PDE1C: variants seen among roughly 807,000 people sequenced by gnomAD.
PDE1C encodes the protein dual specificity calcium/calmodulin-dependent 3',5'-cyclic nucleotide phosphodiesterase 1C.
In PDE1C, 62 loss-of-function variants were observed where a neutral mutation model predicts 93.1. That is an observed-to-expected ratio of 0.67 (90% CI 0.54 to 0.82). The LOEUF is 0.82. Among genes scored for constraint, PDE1C ranks in the 40% least tolerant of loss-of-function variants. The pLI, the probability that PDE1C is intolerant of heterozygous loss-of-function variation, is 0.00. For synonymous variants in PDE1C, 325 were observed against 310.1 expected (o/e 1.05, Z -0.50); for missense variants, 742 against 884.6 (o/e 0.84, Z 2.04).
intron 3 of PDE1C, among the ~76,000 whole-genome samples, chr7:32,128,954 A>ATATATATATATATAT (rs58719690): frequency 2.5e-5 from 2 of 79,046 alleles, no homozygotes; most frequent in African/African-American, 1.3e-4. Context: ...TATATATATA[A>ATATATATATATATAT]AGAAAAATCT....
At chr7:31,703,881 G>T in the PDE1C span, among the ~76,000 whole-genome samples, 1 of 152,154 alleles carries the variant, frequency 6.6e-6, no homozygotes, top group Non-Finnish European at 1.5e-5. Flanking sequence ...CCTTCAAAGG[G>T]GTCATCTCAA....
chr7:31,974,414 T>G (rs554148203), intron 2 of PDE1C, among the ~76,000 whole-genome samples: 1 of 152,348 alleles, frequency 6.6e-6, no homozygotes, highest in South Asian at 2.1e-4. Context: ...AGGTCAATAT[T>G]ATCTTTTTGT....
chr7:32,356,772 T>C (rs1464240437), intron 1 of PDE1C, among the ~76,000 whole-genome samples: 1 of 152,224 alleles, frequency 6.6e-6, no homozygotes, highest in Non-Finnish European at 1.5e-5. Flanking sequence ...TTATATTGAA[T>C]CAGTCGCATG....
At chr7:32,367,042 A>G (rs1052193098) in intron 1 of PDE1C, among the ~76,000 whole-genome samples, 3 of 152,088 alleles carry the variant, frequency 2.0e-5, no homozygotes, top group African/African-American at 7.2e-5. Flanking sequence ...AAAAGAAAAG[A>G]AAAAGAGAAG....
intron 1 of PDE1C, among the ~76,000 whole-genome samples, chr7:32,311,734 A>C (rs1183067180): frequency 2.0e-5 from 3 of 152,244 alleles, no homozygotes; most frequent in Non-Finnish European, 2.9e-5. Context: ...TCAATAAATT[A>C]GGTATTGATG....
intron 1 of PDE1C, among the ~76,000 whole-genome samples, chr7:32,313,467 A>G (rs1465788552): frequency 1.2e-4 from 18 of 152,070 alleles, no homozygotes; most frequent in African/African-American, 4.1e-4. Flanking sequence ...TGTTTATTGC[A>G]GCACTATTCA....
At chr7:31,852,914 T>C (rs1243857546) in intron 7 of PDE1C, among the ~76,000 whole-genome samples, 2 of 150,274 alleles carry the variant, frequency 1.3e-5, no homozygotes, top group Non-Finnish European at 3.0e-5. Flanking sequence ...TCCCCACCCA[T>C]CTGTCCCTGG....
intron 2 of PDE1C, among the ~76,000 whole-genome samples, chr7:32,205,688 C>T (rs527526557): frequency 6.6e-5 from 10 of 152,180 alleles, no homozygotes; most frequent in Non-Finnish European, 1.3e-4. Flanking sequence ...CTGCTGCTGG[C>T]TTTTTAGGTC....
chr7:32,213,199 A>C lies in PDE1C; in HGVS notation c.86-3660T>G, dbSNP rs1806178376. ...GGTCTCACTATGCTTTCAATTTTTA[A>C]ACAATTGTCAGCCCACATTTAAAAA... On this transcript the variant is annotated intron_variant, in intron 1 of 18. Coordinates refer to the PDE1C transcript ENST00000396193. Among the ~76,000 whole-genome samples, 3 of 152,098 alleles carry C rather than the reference A, an allele frequency of 2.0e-5. No homozygotes were observed. The South Asian group carries it at 6.3e-4, about 32-fold the overall frequency.
chr7:32,362,657 C>A (rs747171958), intron 1 of PDE1C, among the ~76,000 whole-genome samples: 1 of 152,146 alleles, frequency 6.6e-6, no homozygotes, highest in Non-Finnish European at 1.5e-5. Flanking sequence ...TAATCACCTG[C>A]CTGGGCCCTA....
intron 2 of PDE1C, among the ~76,000 whole-genome samples, chr7:32,201,990 G>A (rs193092548): frequency 2.0e-5 from 3 of 152,176 alleles, no homozygotes; most frequent in African/African-American, 7.2e-5. Flanking sequence ...GAAAGCAATC[G>A]ACAGAGGTAG....
At chr7:31,847,172 C>T (rs1444105995) in intron 9 of PDE1C, among the ~76,000 whole-genome samples, 1 of 152,018 alleles carries the variant, frequency 6.6e-6, no homozygotes, top group Non-Finnish European at 1.5e-5. Flanking sequence ...GTGTGCTAAG[C>T]ATTTTAAAAT....
chr7:31,936,529 G>A (rs1018387356), intron 2 of PDE1C, among the ~76,000 whole-genome samples: 7 of 151,946 alleles, frequency 4.6e-5, no homozygotes, highest in Admixed American at 3.9e-4. Flanking sequence ...CGAGCAGGAC[G>A]TGCCAATAGC....
chr7:31,979,835 T>C (rs1235919548), intron 2 of PDE1C, among the ~76,000 whole-genome samples: 1 of 152,226 alleles, frequency 6.6e-6, no homozygotes, highest in East Asian at 1.9e-4. Flanking sequence ...GTTATTTTGA[T>C]ACAAGTCAAC....
intron 1 of PDE1C, among the ~76,000 whole-genome samples, chr7:32,370,991 T>C (rs1784322374): frequency 6.6e-6 from 1 of 151,404 alleles, no homozygotes; most frequent in Non-Finnish European, 1.5e-5. Context: ...CTCACTCATA[T>C]ATGGAAGTCA....
intron 1 of PDE1C, among the ~76,000 whole-genome samples, chr7:32,324,668 G>C (rs1376281): frequency 6.6e-6 from 1 of 152,148 alleles, no homozygotes; most frequent in Non-Finnish European, 1.5e-5. Flanking sequence ...CTGATGCAAG[G>C]TTGGGCGCGG....
chr7:32,172,793 G>T (rs1439100546), intron 2 of PDE1C, among the ~76,000 whole-genome samples: 1 of 140,488 alleles, frequency 7.1e-6, no homozygotes. Flanking sequence ...TTGCACTCCA[G>T]CCTGGGCAAC....
At chr7:32,312,191 C>A (rs1187600268) in intron 1 of PDE1C, among the ~76,000 whole-genome samples, 2 of 152,172 alleles carry the variant, frequency 1.3e-5, no homozygotes, top group Non-Finnish European at 2.9e-5. Context: ...AGCAATCCAA[C>A]TTACAAGGGA....
At chr7:32,299,360 C>A, upstream of PDE1C, 1 of 985,820 alleles carries the variant, frequency 1.0e-6, no homozygotes, top group Non-Finnish European at 1.2e-6. Context: ...TTCCTTCTAG[C>A]CACTGCCCCC....
Sources: allele counts gnomAD v4.1 joint callset (sites outside exome capture counted in the v4.1 genomes callset), GRCh38; gene constraint gnomAD v4.1.1; transcripts MANE v1.5; gene names NCBI Gene and HGNC (gene_info 2026-07-23, HGNC 2026-07-21).